Variants in MINDY1 observed in about 807,000 individuals in gnomAD.
The protein encoded by MINDY1 is ubiquitin carboxyl-terminal hydrolase MINDY-1.
A neutral mutation model predicts 53.6 loss-of-function variants in MINDY1; 50 were observed. That is an observed-to-expected ratio of 0.93 (90% CI 0.74 to 1.18). The LOEUF (loss-of-function observed/expected upper bound fraction) is 1.18, where lower values mean the gene tolerates loss of function less well. Among genes scored for constraint, MINDY1 ranks in the 50% most tolerant of loss-of-function variants. The pLI is 0.00. For missense variants in MINDY1, 484 were observed against 578.6 expected (o/e 0.84, Z 1.68); for synonymous variants, 231 against 234.7 (o/e 0.98, Z 0.14).
rs780224057 is a variant in MINDY1 at position 150,997,572 on chromosome 1, G to C, written c.1329+52C>G. ...CAGGAATAACAGGTGTTCTGGACCC[G>C]GCAAAGCATGAGGTGGAAACCGGGA... On this transcript the variant is annotated intron_variant, in intron 9 of 9. Coordinates refer to ENST00000683666, the MANE Select transcript of MINDY1 (RefSeq NM_001376665.1). 1.9e-6 allele frequency: 3 copies of C among 1,602,086 alleles called. No individual in the cohort carries two copies. The Admixed American group carries it at 5.0e-5, about 27-fold the overall frequency.
At chr1:151,006,972 T>G, upstream of MINDY1, 1 of 864,708 alleles carries the variant, frequency 1.2e-6, no homozygotes, top group South Asian at 5.3e-5. Context: ...AGCAGCTTGT[T>G]GGATCTGGGC....
Position 150,999,102 on chromosome 1 carries a change from T to C in MINDY1, c.981+267A>G, listed in dbSNP as rs1468619453. On this transcript the variant is annotated intron_variant, in intron 7 of 9. Coordinates refer to ENST00000683666, the MANE Select transcript of MINDY1 (RefSeq NM_001376665.1). The surrounding 1 kb of genome is among the most constrained non-coding windows in gnomAD (Gnocchi z 4.4). ...TCTAAGCATGAGTGCACAGTGCCCCTCTCTCTCTCTGTTCCCACATATATT... is the reference window on the plus strand; with the variant it reads ...TCTAAGCATGAGTGCACAGTGCCCCCCTCTCTCTCTGTTCCCACATATATT... Among the ~76,000 whole-genome samples, 1 of 151,722 alleles carries C rather than the reference T, an allele frequency of 6.6e-6. No individual in the cohort carries two copies. The highest frequency in any genetic ancestry group is 1.5e-5 in the Non-Finnish European group (1 of 67,864).
In MINDY1 at chr1:150,999,585, G is replaced by C; in HGVS notation, c.839-74C>G. Reference sequence around the variant, plus strand: ...CACAACAGGAAGGACCATCCAGAGAGCCCCTGTCAAAAGCCCCGGGGGGTC... The same window carrying C: ...CACAACAGGAAGGACCATCCAGAGACCCCCTGTCAAAAGCCCCGGGGGGTC... On this transcript the variant is annotated intron_variant, in intron 6 of 9. Transcript: ENST00000683666. The surrounding 1 kb of genome is among the most constrained non-coding windows in gnomAD (Gnocchi z 4.4). The C allele has an allele frequency of 1.3e-6, 2 of 1,581,654 alleles. No homozygotes were observed. Among genetic ancestry groups the C allele is most frequent in the South Asian group, 1.1e-5 (1 of 88,780 alleles).
intron 1 of MINDY1, among the ~76,000 whole-genome samples, chr1:151,003,798 G>T (rs1241060932): frequency 6.6e-6 from 1 of 151,998 alleles, no homozygotes; most frequent in Non-Finnish European, 1.5e-5. Flanking sequence ...AAACCCAGAG[G>T]TACTCTCTTG....
chr1:150,996,824 G>C (rs1558044622), downstream of MINDY1: 1 of 161,832 alleles, frequency 6.2e-6, no homozygotes, highest in East Asian at 1.8e-4. Context: ...GATTACAGGA[G>C]TGAGCCACCG....
At position 151,002,089 on chromosome 1, in the gene MINDY1, C is replaced by T; in HGVS notation, c.453+76G>A. ...AAAGTTTTGACTAGTTTGAGGACAT[C>T]AGGATGATCAAGGAAGTAAGTCAGG... On this transcript the variant is annotated intron_variant, in intron 2 of 9. Transcript: ENST00000683666. This position sits in a 1 kb window ranked among gnomAD's most constrained non-coding sequence, Gnocchi z 4.1. The T allele has an allele frequency of 1.4e-6, 2 of 1,416,970 alleles. No individual in the cohort carries two copies. Among genetic ancestry groups the T allele is most frequent in the Non-Finnish European group, 1.9e-6 (2 of 1,041,820 alleles). 87.8% of individuals were successfully genotyped at this position (1,416,970 alleles called of 1,614,324 possible).
At chr1:151,004,195 T>C (rs977999062) in intron 1 of MINDY1, among the ~76,000 whole-genome samples, 1 of 151,212 alleles carries the variant, frequency 6.6e-6, no homozygotes, top group African/African-American at 2.4e-5. Context: ...AGTGCTGGGA[T>C]TACAGGCATG....
At position 151,002,821 on chromosome 1, in the gene MINDY1, G is replaced by T; in HGVS notation, c.-89-115C>A. 1 of 1,456,292 alleles carries T rather than the reference G, an allele frequency of 6.9e-7. No individual in the cohort carries two copies. The highest frequency in any genetic ancestry group is 9.0e-7 in the Non-Finnish European group (1 of 1,106,662). 90.2% of individuals were successfully genotyped at this position (1,456,292 alleles called of 1,614,324 possible). ...TGTTTGTGCAGTAACTCCTGGCTAT[G>T]GGCAGTATATGTGTAAACAGAAGGG... On this transcript the variant is annotated intron_variant, in intron 1 of 9. Coordinates refer to ENST00000683666, the MANE Select transcript of MINDY1 (RefSeq NM_001376665.1). This position sits in a 1 kb window ranked among gnomAD's most constrained non-coding sequence, Gnocchi z 4.1.
chr1:151,001,921 G>A (rs902519740), intron 2 of MINDY1, 139 bp from the exon 3 acceptor site: 4 of 932,364 alleles, frequency 4.3e-6, no homozygotes, highest in Non-Finnish European at 6.3e-6. Flanking sequence ...GGGAATGAAT[G>A]TGAAATCTTG....
intron 7 of MINDY1, among the ~76,000 whole-genome samples, chr1:150,998,603 G>A (rs1672150046): frequency 6.6e-6 from 1 of 152,138 alleles, no homozygotes; most frequent in African/African-American, 2.4e-5. Context: ...TGATCTGCCC[G>A]CCTCGGCCTC....
chr1:150,999,875 G>T lies in MINDY1; in HGVS notation c.825C>A (p.Asn275Lys). The change falls in exon 6 of 10, where the codon AAC becomes AAA. Residue 275 changes from asparagine (N) to lysine (K), a missense_variant. Coordinates refer to ENST00000683666, the MANE Select transcript of MINDY1 (RefSeq NM_001376665.1). This position sits in a 1 kb window ranked among gnomAD's most constrained non-coding sequence, Gnocchi z 4.4. ...GAGGAATGTCACCTTCTGTCACGAG[G>T]TTGGTGTCACTGGAGTGTTTGCAGG... ...IITCKHSSDT[N>K]LVTEGLIAEQ... is the part of the protein sequence containing the mutation. The T allele has an allele frequency of 1.2e-6, 2 of 1,613,936 alleles. No homozygotes were observed. The highest frequency in any genetic ancestry group is 1.7e-6 in the Non-Finnish European group (2 of 1,179,932).
chr1:151,001,895 C>G, intron 2 of MINDY1, 113 bp from the exon 3 acceptor site: 1 of 1,166,724 alleles, frequency 8.6e-7, no homozygotes. Flanking sequence ...GGAAAAAAGG[C>G]TTGCAACTGG....
chr1:151,000,676 C>A, intron 4 of MINDY1, 61 bp from the exon 5 acceptor site: 2 of 1,526,210 alleles, frequency 1.3e-6, no homozygotes, highest in Non-Finnish European at 1.8e-6. Flanking sequence ...TCCACTCCCA[C>A]CTGCAGAAAT....
At chr1:151,000,662 C>A (rs1672455305) in intron 4 of MINDY1, 47 bp from the exon 5 acceptor site, 11 of 1,563,048 alleles carry the variant, frequency 7.0e-6, no homozygotes, top group Non-Finnish European at 8.7e-6. Flanking sequence ...TTCTCTCCCA[C>A]CACTCCACTC....
chr1:150,998,171 A>G lies in MINDY1; in HGVS notation c.1084T>C (p.Ser362Pro). 6.2e-7 allele frequency: 1 copy of G among 1,614,152 alleles called. No individual in the cohort carries two copies. Among genetic ancestry groups the G allele is most frequent in the Non-Finnish European group, 8.5e-7 (1 of 1,180,048 alleles). Reference protein sequence around the residue: ...NVDGDSCFCDSDFHLSHSLGK... With the variant: ...NVDGDSCFCDPDFHLSHSLGK... Reference sequence around the variant, plus strand: ...AGGGAATGACTCAGGTGAAAGTCAGAGTCACAAAAGCAGCTGTCTCCATCC... The same window carrying G: ...AGGGAATGACTCAGGTGAAAGTCAGGGTCACAAAAGCAGCTGTCTCCATCC... The change falls in exon 8 of 10, where the codon TCT becomes CCT. Residue 362 changes from serine to proline, a missense_variant. Physicochemically the swap from Ser to Pro is moderately conservative, Grantham distance 74 (BLOSUM62 -1). Transcript: ENST00000683666.
upstream of MINDY1, among the ~76,000 whole-genome samples, chr1:151,007,732 A>G (rs1673380644): frequency 6.6e-6 from 1 of 152,130 alleles, no homozygotes; most frequent in African/African-American, 2.4e-5. Context: ...TACCTGCACT[A>G]CTCTGCGGCT....
Position 150,999,768 on chromosome 1 carries a change from T to G in MINDY1, c.838+94A>C. On this transcript the variant is annotated intron_variant, in intron 6 of 9. Transcript: ENST00000683666. The surrounding 1 kb of genome is among the most constrained non-coding windows in gnomAD (Gnocchi z 4.4). ...TCCTTCTTGTGAAGCTTATATCTAG[T>G]GGGATGTGGTAGGAGATGACACCCA... 1 of 1,163,302 alleles carries G rather than the reference T, an allele frequency of 8.6e-7. No individual in the cohort carries two copies. 72.1% of individuals were successfully genotyped at this position (1,163,302 alleles called of 1,614,324 possible).
chr1:151,004,516 G>C (rs1422147740), intron 1 of MINDY1, among the ~76,000 whole-genome samples: 5 of 151,994 alleles, frequency 3.3e-5, no homozygotes, highest in African/African-American at 1.2e-4. Context: ...GATTACTTGA[G>C]GTCAGGAGAT....
Position 150,999,425 on chromosome 1 carries a change from C to G in MINDY1, c.925G>C (p.Gly309Arg). 6.2e-7 allele frequency: 1 copy of G among 1,614,152 alleles called. No individual in the cohort carries two copies. Among genetic ancestry groups the G allele is most frequent in the Non-Finnish European group, 8.5e-7 (1 of 1,180,038 alleles). ...TTTCGGAAAAAGACGCTAAGTTCAC[C>G]CTCCTTAGCAGCTGCTGTCAGCTCA... ...LCELTAAAKEGELSVFFRNNH... is the reference protein window; with the variant it reads ...LCELTAAAKERELSVFFRNNH... The change falls in exon 7 of 10, where the codon GGT becomes CGT. Residue 309 changes from glycine to arginine, a missense_variant. Coordinates refer to ENST00000683666, the MANE Select transcript of MINDY1 (RefSeq NM_001376665.1). The surrounding 1 kb of genome is among the most constrained non-coding windows in gnomAD (Gnocchi z 4.4).
Sources: gnomAD v4.1 joint callset for allele counts (sites outside exome capture counted in the v4.1 genomes callset) on GRCh38, gnomAD v4.1.1 for gene constraint, Gnocchi (gnomAD v3.1) non-coding constraint, MANE v1.5 for transcripts, NCBI Gene and HGNC (gene_info 2026-07-23, HGNC 2026-07-21) for gene names.